EPB41L3: variants seen among roughly 807,000 people sequenced by gnomAD.
EPB41L3 encodes erythrocyte membrane protein band 4.1 like 3, also known as band 4.1-like protein 3.
A neutral mutation model predicts 127.1 loss-of-function variants in EPB41L3; 57 were observed. The observed-to-expected ratio is 0.45, with a 90% CI of 0.36 to 0.56. EPB41L3 has a LOEUF of 0.56. EPB41L3 is among the 20% of genes least tolerant of loss of function. The pLI, the probability that EPB41L3 is intolerant of heterozygous loss-of-function variation, is 0.00. For missense variants in EPB41L3, 1,273 were observed against 1,372.2 expected (o/e 0.93, Z 1.14); for synonymous variants, 572 against 549.5 (o/e 1.04, Z -0.57).
chr18:5,460,201 G>A (rs2147067082), intron 3 of EPB41L3, among the ~76,000 whole-genome samples: 1 of 152,292 alleles, frequency 6.6e-6, no homozygotes, highest in East Asian at 1.9e-4. Flanking sequence ...ATCACTGGCT[G>A]CTTTTCTCTG....
chr18:5,559,043 A>T (rs1326069686), intron 3 of EPB41L3, among the ~76,000 whole-genome samples: 3 of 152,176 alleles, frequency 2.0e-5, no homozygotes, highest in African/African-American at 7.2e-5. Flanking sequence ...CCATTTCTGT[A>T]TAAGATCTCA....
At chr18:5,556,437 T>C (rs73387911) in intron 3 of EPB41L3, among the ~76,000 whole-genome samples, 4,750 of 152,278 alleles carry the variant, frequency 0.031, 234 homozygotes, top group African/African-American at 0.098. Flanking sequence ...TAATTTTCCC[T>C]AGCGGTGCTG....
intron 16 of EPB41L3, chr18:5,398,635 G>A: frequency 2.5e-6 from 1 of 401,810 alleles, no homozygotes; most frequent in Non-Finnish European, 4.4e-6. Flanking sequence ...TGGCCCCAAT[G>A]AGTGACACTG....
chr18:5,534,347 G>A (rs1029733944), intron 1 of EPB41L3, among the ~76,000 whole-genome samples: 1 of 152,160 alleles, frequency 6.6e-6, no homozygotes, highest in Non-Finnish European at 1.5e-5. Context: ...GACAAAAGTC[G>A]TTAAGACAGT....
chr18:5,450,682 T>C (rs2082177813), intron 3 of EPB41L3, among the ~76,000 whole-genome samples: 1 of 152,224 alleles, frequency 6.6e-6, no homozygotes, highest in African/African-American at 2.4e-5. Context: ...ACTTTTATCA[T>C]GAGTAAATAC....
chr18:5,476,992 T>C (rs1047720673), intron 3 of EPB41L3, among the ~76,000 whole-genome samples: 1 of 152,196 alleles, frequency 6.6e-6, no homozygotes, highest in African/African-American at 2.4e-5. Flanking sequence ...CTAAATAATT[T>C]TTGATGTAAG....
At chr18:5,421,425 CA>C (rs1251029705) in intron 11 of EPB41L3, among the ~76,000 whole-genome samples, 1 of 152,156 alleles carries the variant, frequency 6.6e-6, no homozygotes, top group East Asian at 1.9e-4. Context: ...AGAAAAGCTT[CA>C]ATGTTAACAT....
intron 1 of EPB41L3, among the ~76,000 whole-genome samples, chr18:5,504,464 G>A (rs1775031076): frequency 6.6e-6 from 1 of 152,102 alleles, no homozygotes; most frequent in Non-Finnish European, 1.5e-5. Flanking sequence ...GAGTCACACA[G>A]GAGTGGGACC....
At chr18:5,405,367 TA>T (rs2075197221) in intron 16 of EPB41L3, among the ~76,000 whole-genome samples, 1 of 152,178 alleles carries the variant, frequency 6.6e-6, no homozygotes, top group Non-Finnish European at 1.5e-5. Context: ...AATACAATGC[TA>T]AAAAAGATGC....
chr18:5,525,098 C>T (rs145686990), intron 1 of EPB41L3, among the ~76,000 whole-genome samples: 131 of 152,254 alleles, frequency 8.6e-4, no homozygotes, highest in South Asian at 1.7e-3. Flanking sequence ...CAATCTAAAA[C>T]GACAGGCAAA....
Position 5,419,688 on chromosome 18 carries a change from TGCAGGCAGTCTGGGA to T in EPB41L3, c.1506+8_1506+22del. 1 of 1,613,096 alleles carries T rather than the reference TGCAGGCAGTCTGGGA, an allele frequency of 6.2e-7. No homozygotes were observed. Among genetic ancestry groups the T allele is most frequent in the South Asian group, 1.1e-5 (1 of 91,002 alleles). On this transcript the variant is annotated splice_region_variant and intron_variant, in intron 12 of 22. Coordinates refer to ENST00000341928, the MANE Select transcript of EPB41L3 (RefSeq NM_012307.5). ...ATTCTTAAAAGCTGGAGCAAGCTCT[TGCAGGCAGTCTGGGA>T]GCTATACCTTTCCCTCGTGCCGGAT...
intron 1 of EPB41L3, among the ~76,000 whole-genome samples, chr18:5,518,331 A>C (rs1264834633): frequency 6.6e-6 from 1 of 150,650 alleles, no homozygotes; most frequent in Non-Finnish European, 1.5e-5. Flanking sequence ...ACCGCCACCC[A>C]CCTCCCACCC....
intron 16 of EPB41L3, chr18:5,398,347 A>G: frequency 1.6e-6 from 1 of 631,994 alleles, no homozygotes; most frequent in Middle Eastern, 4.3e-4. Flanking sequence ...AGAGACGGTT[A>G]TTAGGATCAG....
chr18:5,404,954 G>C (rs2075117462), intron 16 of EPB41L3, among the ~76,000 whole-genome samples: 1 of 152,170 alleles, frequency 6.6e-6, no homozygotes, highest in South Asian at 2.1e-4. Flanking sequence ...CAATCAATGT[G>C]AAATTTGTCT....
intron 2 of EPB41L3, among the ~76,000 whole-genome samples, chr18:5,482,146 T>A (rs144262992): frequency 6.6e-6 from 1 of 152,120 alleles, no homozygotes; most frequent in African/African-American, 2.4e-5. Context: ...ATTTATCAGA[T>A]AAATTTGATG....
chr18:5,400,931 C>A, intron 16 of EPB41L3: 1 of 1,350,184 alleles, frequency 7.4e-7, no homozygotes, highest in Non-Finnish European at 1.0e-6. Context: ...GTCTGAAGAC[C>A]AATTTCTTCT....
intron 3 of EPB41L3, among the ~76,000 whole-genome samples, chr18:5,474,111 G>T (rs1392503634): frequency 6.6e-6 from 1 of 151,804 alleles, no homozygotes; most frequent in Non-Finnish European, 1.5e-5. Context: ...GGCGCCTGTA[G>T]TCCCAGCTAC....
At chr18:5,594,305 C>G (rs1422238522) in intron 3 of EPB41L3, among the ~76,000 whole-genome samples, 1 of 152,112 alleles carries the variant, frequency 6.6e-6, no homozygotes, top group Non-Finnish European at 1.5e-5. Context: ...CCCGCAACAC[C>G]CCCGCAAAAT....
At chr18:5,495,350 C>T (rs1053887409) in intron 1 of EPB41L3, among the ~76,000 whole-genome samples, 3 of 128,440 alleles carry the variant, frequency 2.3e-5, no homozygotes, top group African/African-American at 8.8e-5. Flanking sequence ...AATATGGAGA[C>T]AAAGATTTCA....
Sources: allele counts gnomAD v4.1 joint callset (sites outside exome capture counted in the v4.1 genomes callset), GRCh38; gene constraint gnomAD v4.1.1; transcripts MANE v1.5; gene names NCBI Gene and HGNC (gene_info 2026-07-23, HGNC 2026-07-21).